The following SENP6 variants were observed in gnomAD, a reference collection of about 807,000 sequenced individuals.
SENP6 encodes the protein sentrin-specific protease 6.
SENP6 carries 41 observed loss-of-function variants against 134.5 expected under a neutral mutation model. That is an observed-to-expected ratio of 0.30 (90% CI 0.24 to 0.40). The LOEUF (loss-of-function observed/expected upper bound fraction) is 0.40. SENP6 is among the 10% of genes least tolerant of loss of function. The pLI, the probability that SENP6 is intolerant of heterozygous loss-of-function variation, is 1.00. For synonymous variants in SENP6, 395 were observed against 429.8 expected, an observed-to-expected ratio of 0.92 and a Z score of 1.00; for missense variants, 1,248 against 1,312.5, an observed-to-expected ratio of 0.95 and a Z score of 0.76.
At chr6:75,661,559 C>T (rs1375093055) in intron 8 of SENP6, among the ~76,000 whole-genome samples, 1 of 152,246 alleles carries the variant, frequency 6.6e-6, no homozygotes, top group Non-Finnish European at 1.5e-5. Context: ...GTATTAAACA[C>T]AGCAATAATT....
intron 13 of SENP6, 122 bp from the exon 14 acceptor site, chr6:75,676,908 T>C (rs1773121159): frequency 1.6e-6 from 1 of 608,600 alleles, no homozygotes; most frequent in East Asian, 2.8e-5. Flanking sequence ...CAGACATTGT[T>C]GTGGACCTTT....
In SENP6 at chr6:75,638,555, A is replaced by AGTGTGTGT. The variant is rs59936116; in HGVS notation, c.459-2100_459-2093dup. ...AGCATTGATGTGTCTTTGTGTGTGT[A>AGTGTGTGT]GTGTGTGTGTGTGTGTGTGTGTGTG... On this transcript the variant is annotated intron_variant, in intron 5 of 23. Coordinates refer to ENST00000447266, the MANE Select transcript of SENP6 (RefSeq NM_015571.4). Among the ~76,000 whole-genome samples the AGTGTGTGT allele has an allele frequency of 1.0e-3, 27 of 26,348 alleles. 6 individuals are homozygous for AGTGTGTGT. The highest frequency in any genetic ancestry group is 1.3e-3 in the Non-Finnish European group (20 of 15,638). The allele number at this position is 26,348 out of a possible 152,430, so 17.3% of individuals were successfully genotyped here.
intron 19 of SENP6, among the ~76,000 whole-genome samples, chr6:75,709,157 G>A (rs575074912): frequency 1.3e-5 from 2 of 152,070 alleles, no homozygotes; most frequent in South Asian, 4.2e-4. Context: ...ATTGGACATA[G>A]GTTATTTTCA....
chr6:75,693,407 T>G (rs1453535058), intron 16 of SENP6, among the ~76,000 whole-genome samples: 6 of 125,852 alleles, frequency 4.8e-5, no homozygotes, highest in Non-Finnish European at 8.6e-5. Context: ...CAGTCTGAAA[T>G]TTAAAAAAAA....
At chr6:75,684,728 T>C (rs1773709724) in intron 16 of SENP6, among the ~76,000 whole-genome samples, 3 of 152,210 alleles carry the variant, frequency 2.0e-5, no homozygotes, top group Non-Finnish European at 2.9e-5. Context: ...TGAACCAGCC[T>C]TGCATCCCAG....
At chr6:75,606,492 G>T (rs1767037518) in intron 1 of SENP6, among the ~76,000 whole-genome samples, 2 of 152,180 alleles carry the variant, frequency 1.3e-5, no homozygotes, top group African/African-American at 4.8e-5. Flanking sequence ...GCACTGAGAG[G>T]CATAACAGTG....
At chr6:75,644,934 A>C (rs1403431598) in intron 6 of SENP6, among the ~76,000 whole-genome samples, 1 of 152,210 alleles carries the variant, frequency 6.6e-6, no homozygotes. Context: ...TGCAAATCTA[A>C]AATTATTTCA....
intron 4 of SENP6, 52 bp from the exon 5 acceptor site, chr6:75,634,655 G>A: frequency 1.0e-6 from 1 of 964,282 alleles, no homozygotes; most frequent in Non-Finnish European, 1.6e-6. Context: ...TTTTATAAAT[G>A]TGTATATAAT....
chr6:75,612,886 G>C (rs544857022), intron 1 of SENP6, among the ~76,000 whole-genome samples: 7 of 152,108 alleles, frequency 4.6e-5, no homozygotes, highest in Non-Finnish European at 1.0e-4. Context: ...GGCCAAAACA[G>C]GCAGATCACT....
At chr6:75,683,400 A>G (rs1017084889) in intron 16 of SENP6, among the ~76,000 whole-genome samples, 2 of 152,118 alleles carry the variant, frequency 1.3e-5, no homozygotes, top group South Asian at 4.1e-4. Context: ...CTTTAGTTTA[A>G]TTAGATCCCA....
intron 3 of SENP6, among the ~76,000 whole-genome samples, chr6:75,632,277 A>G (rs968063311): frequency 1.3e-5 from 2 of 152,212 alleles, no homozygotes; most frequent in African/African-American, 2.4e-5. Flanking sequence ...TTGGAACGCA[A>G]TTGACTGTTA....
At chr6:75,667,291 TA>T (rs1277926396) in intron 10 of SENP6, among the ~76,000 whole-genome samples, 2 of 152,208 alleles carry the variant, frequency 1.3e-5, no homozygotes, top group Non-Finnish European at 2.9e-5. Context: ...TTTTATATTT[TA>T]CTATAAAAAT....
chr6:75,659,240 T>C (rs1241462808), intron 7 of SENP6, 22 bp from the exon 8 acceptor site: 3 of 1,563,142 alleles, frequency 1.9e-6, no homozygotes, highest in Non-Finnish European at 2.6e-6. Context: ...ACTTAAAGTT[T>C]ATTTTTTTCT....
rs1478889476 is a variant in SENP6 at position 75,702,661 on chromosome 6, G to T, written c.2305G>T (p.Ala769Ser). The T allele has an allele frequency of 1.3e-6, 2 of 1,589,978 alleles. No homozygotes were observed. The highest frequency in any genetic ancestry group is 1.4e-5 in the African/African-American group (1 of 73,932). The change falls in exon 19 of 24, where the codon GCT becomes TCT. Residue 769 changes from alanine (A) to serine (S), a missense_variant. Physicochemically the swap from Ala to Ser is moderately conservative, Grantham distance 99. Transcript: ENST00000447266. ...TTTTTACAGTGCACACTGGTTTTTGGCTGTTGTTTGTTTCCCCGGTTTGGA... is the reference window on the plus strand; with the variant it reads ...TTTTTACAGTGCACACTGGTTTTTGTCTGTTGTTTGTTTCCCCGGTTTGGA... ...PLNEAAHWFLAVVCFPGLEKP... is the reference protein window; with the variant it reads ...PLNEAAHWFLSVVCFPGLEKP...
intron 19 of SENP6, among the ~76,000 whole-genome samples, chr6:75,705,285 G>A (rs146264208): frequency 0.011 from 1,744 of 152,200 alleles, 32 homozygotes; most frequent in African/African-American, 0.039. Flanking sequence ...GGTGGCTCAC[G>A]CCTGTAATCC....
intron 6 of SENP6, chr6:75,646,389 G>A (rs1488460022): frequency 6.6e-6 from 1 of 152,106 alleles, no homozygotes; most frequent in African/African-American, 2.4e-5. Flanking sequence ...TAATAATTGT[G>A]TGACCATGGA....
At chr6:75,661,069 A>G (rs550514722) in intron 8 of SENP6, among the ~76,000 whole-genome samples, 11 of 152,260 alleles carry the variant, frequency 7.2e-5, no homozygotes, top group Middle Eastern at 3.4e-3. Context: ...CATGGGTATT[A>G]TTGTTTCTCG....
At chr6:75,631,425 C>G (rs763467855) in intron 3 of SENP6, among the ~76,000 whole-genome samples, 28 of 152,136 alleles carry the variant, frequency 1.8e-4, no homozygotes, top group Non-Finnish European at 3.5e-4. Context: ...AACTTAAATT[C>G]TAATAACTTG....
chr6:75,663,819 T>TGGGG lies in SENP6; in HGVS notation c.994+302_994+303insGGGG, dbSNP rs1199601110. Among the ~76,000 whole-genome samples, 79 of 90,736 alleles carry TGGGG rather than the reference T, an allele frequency of 8.7e-4. 2 individuals are homozygous for TGGGG. Among genetic ancestry groups the TGGGG allele is most frequent in the Non-Finnish European group, 1.1e-3 (52 of 48,130 alleles). 59.5% of individuals were successfully genotyped at this position (90,736 alleles called of 152,430 possible). A position where few individuals can be genotyped will look rare whatever the true frequency, so the allele number is the denominator to read the frequency against. On this transcript the variant is annotated intron_variant, in intron 9 of 23. Transcript: ENST00000447266. ...CCTGCTGATAGTGGGTTTTTTTTTTTGTGGGGGGGGGGGTGCCTAAAATAA... is the reference window on the plus strand; with the variant it reads ...CCTGCTGATAGTGGGTTTTTTTTTTTGGGGGTGGGGGGGGGGGTGCCTAAAATAA...
Sources: gnomAD v4.1 joint callset for allele counts (sites outside exome capture counted in the v4.1 genomes callset) on GRCh38, gnomAD v4.1.1 for gene constraint, MANE v1.5 for transcripts, NCBI Gene and HGNC (gene_info 2026-07-23, HGNC 2026-07-21) for gene names.